Variants in CSGALNACT1 observed in about 807,000 individuals in gnomAD.
CSGALNACT1 encodes the protein beta4GalNAcT-1.
In CSGALNACT1, 52 loss-of-function variants were observed where a neutral mutation model predicts 51.0. The ratio of observed to expected loss-of-function variants is 1.02; its 90% confidence interval spans 0.82 to 1.29. CSGALNACT1 has a LOEUF of 1.29. CSGALNACT1 is among the 50% of genes most tolerant of loss of function. The probability of loss-of-function intolerance (pLI) is 0.00; values close to 1 mark genes in which losing one functional copy is unlikely to be tolerated. For missense variants in CSGALNACT1, 935 were observed against 679.2 expected (o/e 1.38, Z -4.19); for synonymous variants, 341 against 254.4 (o/e 1.34, Z -3.24).
chr8:19,700,282 T>A (rs2061793606), intron 1 of CSGALNACT1, among the ~76,000 whole-genome samples: 1 of 152,124 alleles, frequency 6.6e-6, no homozygotes, highest in African/African-American at 2.4e-5. Flanking sequence ...GTGATCTTCC[T>A]AGACAGCACT....
chr8:19,526,568 C>A (rs890040766), intron 3 of CSGALNACT1, among the ~76,000 whole-genome samples: 3 of 151,778 alleles, frequency 2.0e-5, no homozygotes, highest in African/African-American at 4.8e-5. Context: ...GGTGACAGAG[C>A]GAGACTCTGT....
intron 5 of CSGALNACT1, among the ~76,000 whole-genome samples, chr8:19,453,097 G>A (rs112055566): frequency 3.0e-4 from 46 of 152,098 alleles, no homozygotes; most frequent in African/African-American, 1.1e-3. Context: ...CACATCCCAA[G>A]AATCAGAATA....
intron 7 of CSGALNACT1, 75 bp from the exon 7 acceptor site, chr8:19,418,825 T>C: frequency 9.9e-7 from 1 of 1,007,704 alleles, no homozygotes; most frequent in East Asian, 2.4e-5. Flanking sequence ...CATTTGGCCC[T>C]CTGAAACACC....
chr8:19,410,548 C>T (rs559943636), intron 8 of CSGALNACT1, among the ~76,000 whole-genome samples: 12 of 152,154 alleles, frequency 7.9e-5, no homozygotes, highest in South Asian at 4.2e-4. Flanking sequence ...TAAAAAGGAA[C>T]GCTCCGAACA....
chr8:19,547,870 G>A (rs1563996289), intron 3 of CSGALNACT1, among the ~76,000 whole-genome samples: 1 of 152,234 alleles, frequency 6.6e-6, no homozygotes, highest in African/African-American at 2.4e-5. Context: ...ATGAGGACCA[G>A]ATGGCCACTG....
At chr8:19,467,325 G>T (rs1194501911) in intron 4 of CSGALNACT1, among the ~76,000 whole-genome samples, 5 of 151,914 alleles carry the variant, frequency 3.3e-5, no homozygotes, top group Admixed American at 3.3e-4. Context: ...GTTTCACCAT[G>T]TCTGCCAGGA....
At chr8:19,447,482 TG>T in intron 5 of CSGALNACT1, among the ~76,000 whole-genome samples, 1 of 152,254 alleles carries the variant, frequency 6.6e-6, no homozygotes, top group South Asian at 2.1e-4. Flanking sequence ...ACCCTTAGGG[TG>T]ATAACTCATC....
In CSGALNACT1 at chr8:19,516,987, C is replaced by G. The variant is rs111635008; in HGVS notation, c.-296-10857G>C. Among the ~76,000 whole-genome samples, 1,435 of 152,314 alleles carry G rather than the reference C, an allele frequency of 9.4e-3. 24 individuals carry two copies. The highest frequency in any genetic ancestry group is 0.032 in the African/African-American group (1,336 of 41,562). ...ACTTTGGCCATGACCCACTGCCCAC[C>G]TGGAGAGGTGGTTGGTTTTTAGTTG... On this transcript the variant is annotated intron_variant, in intron 3 of 9. Transcript: ENST00000454498.
At chr8:19,453,112 TAAAAGA>T (rs997012268) in intron 5 of CSGALNACT1, among the ~76,000 whole-genome samples, 2 of 151,830 alleles carry the variant, frequency 1.3e-5, no homozygotes, top group African/African-American at 2.4e-5. Flanking sequence ...AGAATAAAAT[TAAAAGA>T]AAAAGTTAAG....
intron 6 of CSGALNACT1, among the ~76,000 whole-genome samples, chr8:19,422,641 C>A (rs12678270): frequency 0.13 from 19,119 of 152,228 alleles, 1,882 homozygotes; most frequent in East Asian, 0.5. Flanking sequence ...TGCTCAAAAC[C>A]TTTTCAGTAT....
intron 1 of CSGALNACT1, among the ~76,000 whole-genome samples, chr8:19,700,952 C>A (rs1221810744): frequency 6.6e-6 from 1 of 152,004 alleles, no homozygotes; most frequent in African/African-American, 2.4e-5. Flanking sequence ...ACAGGGATAG[C>A]CAATGAAATG....
chr8:19,432,833 C>T (rs902036763), intron 6 of CSGALNACT1, among the ~76,000 whole-genome samples: 12 of 152,020 alleles, frequency 7.9e-5, no homozygotes, highest in East Asian at 1.9e-4. Flanking sequence ...GCATGTTTTT[C>T]ATATACTTCA....
chr8:19,546,452 T>C (rs988172891), intron 3 of CSGALNACT1, among the ~76,000 whole-genome samples: 34 of 152,336 alleles, frequency 2.2e-4, no homozygotes, highest in Admixed American at 7.8e-4. Context: ...CAATAGAACA[T>C]TGAAATAACT....
intron 1 of CSGALNACT1, among the ~76,000 whole-genome samples, chr8:19,741,479 C>T (rs529601884): frequency 6.7e-6 from 1 of 148,320 alleles, no homozygotes; most frequent in Admixed American, 6.9e-5. Context: ...AGAAGAATCG[C>T]TTGAAGCCGG....
chr8:19,607,676 C>T (rs1220388695), intron 1 of CSGALNACT1, among the ~76,000 whole-genome samples: 1 of 152,204 alleles, frequency 6.6e-6, no homozygotes, highest in Non-Finnish European at 1.5e-5. Context: ...ATATCAGCTG[C>T]ACTTAATCCT....
chr8:19,625,545 T>C (rs1222924781), intron 1 of CSGALNACT1, among the ~76,000 whole-genome samples: 1 of 152,168 alleles, frequency 6.6e-6, no homozygotes, highest in Admixed American at 6.5e-5. Flanking sequence ...TAATTTGAGG[T>C]GCCTGAGCCT....
intron 3 of CSGALNACT1, among the ~76,000 whole-genome samples, chr8:19,541,572 T>TTTTTTTTTTTTTTTTG: frequency 7.3e-6 from 1 of 136,990 alleles, no homozygotes; most frequent in African/African-American, 2.8e-5. Flanking sequence ...TTTTTTTTTT[T>TTTTTTTTTTTTTTTTG]TTTTTTTAGT....
intron 3 of CSGALNACT1, among the ~76,000 whole-genome samples, chr8:19,530,667 G>C (rs1280589425): frequency 6.6e-6 from 1 of 152,124 alleles, no homozygotes; most frequent in Non-Finnish European, 1.5e-5. Context: ...AGAGATCGGG[G>C]CTATAGCGAG....
At chr8:19,666,443 C>T (rs187768165) in intron 1 of CSGALNACT1, among the ~76,000 whole-genome samples, 249 of 152,104 alleles carry the variant, frequency 1.6e-3, no homozygotes, top group Middle Eastern at 3.4e-3. Context: ...ACCTGTAATC[C>T]CAGCACTTTT....
Sources: allele counts gnomAD v4.1 joint callset (sites outside exome capture counted in the v4.1 genomes callset), GRCh38; gene constraint gnomAD v4.1.1; transcripts MANE v1.5; gene names NCBI Gene and HGNC (gene_info 2026-07-23, HGNC 2026-07-21).